The following ZNF521 variants were observed in gnomAD, a reference collection of about 807,000 sequenced individuals.
The protein encoded by ZNF521 is zinc finger protein 521, also known as LYST-interacting protein 3.
In ZNF521, 14 loss-of-function variants were observed where a neutral mutation model predicts 105.5. That is an observed-to-expected ratio of 0.13 (90% confidence interval 0.09 to 0.21). The LOEUF (loss-of-function observed/expected upper bound fraction) is 0.21, where lower values mean the gene tolerates loss of function less well. ZNF521 is among the 10% of genes least tolerant of loss of function. The probability of loss-of-function intolerance (pLI) is 1.00; values close to 1 mark genes in which losing one functional copy is unlikely to be tolerated. For synonymous variants in ZNF521, 635 were observed against 606.0 expected, an observed-to-expected ratio of 1.05 and a Z score of -0.70; for missense variants, 1,233 against 1,629.7, an observed-to-expected ratio of 0.76 and a Z score of 4.19.
At chr18:25,274,070 G>C (rs1339935217) in intron 3 of ZNF521, among the ~76,000 whole-genome samples, 2 of 152,140 alleles carry the variant, frequency 1.3e-5, no homozygotes, top group African/African-American at 4.8e-5. Flanking sequence ...CTTATCAGCT[G>C]TATTTCTTCA....
intron 4 of ZNF521, among the ~76,000 whole-genome samples, chr18:25,217,016 T>C (rs1356491767): frequency 6.6e-6 from 1 of 152,068 alleles, no homozygotes; most frequent in Non-Finnish European, 1.5e-5. Flanking sequence ...AAGCAGCACA[T>C]GTTCAGGATC....
In ZNF521 at chr18:25,105,093, C is replaced by T. The variant is rs948517648; in HGVS notation, c.3659-13012G>A. Among the ~76,000 whole-genome samples, 26 of 152,258 alleles carry T rather than the reference C, an allele frequency of 1.7e-4. 1 individual carries two copies. Among genetic ancestry groups the T allele is most frequent in the South Asian group, 1.2e-3 (6 of 4,822 alleles). On this transcript the variant is annotated intron_variant, in intron 5 of 7. Coordinates refer to ENST00000361524, the MANE Select transcript of ZNF521 (RefSeq NM_015461.3). Reference sequence around the variant, plus strand: ...TGGGATTGATGAAGAGACAGACTGGCATTCTGGCTCATGTAGTTCAGTCTG... The same window carrying T: ...TGGGATTGATGAAGAGACAGACTGGTATTCTGGCTCATGTAGTTCAGTCTG...
chr18:25,108,275 A>AT (rs1464088537), intron 5 of ZNF521, among the ~76,000 whole-genome samples: 3 of 152,320 alleles, frequency 2.0e-5, no homozygotes, highest in South Asian at 2.1e-4. Flanking sequence ...TGAAAATTGC[A>AT]TTTTTTCAAT....
At chr18:25,314,288 AG>A (rs1912483313) in intron 3 of ZNF521, among the ~76,000 whole-genome samples, 2 of 152,204 alleles carry the variant, frequency 1.3e-5, no homozygotes. Context: ...CACTGCCAAC[AG>A]AACTAGCTGT....
Position 25,062,749 on chromosome 18 carries a change from T to TAAAAAAAAAAAA in ZNF521, c.3907-9_3907-8insTTTTTTTTTTTT. 4.9e-6 allele frequency: 1 copy of TAAAAAAAAAAAA among 204,578 alleles called. No individual in the cohort carries two copies. The highest frequency in any genetic ancestry group is 7.1e-6 in the Non-Finnish European group (1 of 140,840). The allele number at this position is 204,578 out of a possible 1,614,324, so 12.7% of individuals were successfully genotyped here. A position where few individuals can be genotyped will look rare whatever the true frequency, so the allele number is the denominator to read the frequency against. ...TTGGGTCATTGTATGATTCTGTAAA[T>TAAAAAAAAAAAA]AACAAAAAAAAAAAAAAAAAAAAAA... is the stretch of plus-strand genomic sequence containing the variant. On this transcript the variant is annotated splice_polypyrimidine_tract_variant and intron_variant, in intron 7 of 7. Coordinates refer to ENST00000361524, the MANE Select transcript of ZNF521 (RefSeq NM_015461.3).
chr18:25,112,807 G>C (rs2034219356), intron 5 of ZNF521, among the ~76,000 whole-genome samples: 1 of 152,138 alleles, frequency 6.6e-6, no homozygotes. Flanking sequence ...AGACAGACCA[G>C]TAAACACAAT....
intron 3 of ZNF521, among the ~76,000 whole-genome samples, chr18:25,317,381 T>C (rs1264588801): frequency 6.6e-6 from 1 of 152,162 alleles, no homozygotes; most frequent in African/African-American, 2.4e-5. Context: ...CGATTCAATT[T>C]TATAGAGCTG....
chr18:25,072,783 T>C (rs149590523), intron 7 of ZNF521, among the ~76,000 whole-genome samples: 145 of 152,316 alleles, frequency 9.5e-4, no homozygotes, highest in African/African-American at 3.4e-3. Context: ...AAGGCTTTGA[T>C]AGGCAATACT....
At chr18:25,187,312 G>A (rs1336391085) in intron 5 of ZNF521, among the ~76,000 whole-genome samples, 1 of 152,074 alleles carries the variant, frequency 6.6e-6, no homozygotes, top group East Asian at 1.9e-4. Flanking sequence ...AAAACAAGGT[G>A]TCTGAATTAA....
At chr18:25,143,228 A>G (rs544684957) in intron 5 of ZNF521, among the ~76,000 whole-genome samples, 1 of 152,250 alleles carries the variant, frequency 6.6e-6, no homozygotes, top group South Asian at 2.1e-4. Flanking sequence ...TTTATAGCAA[A>G]TATCTTATCT....
At chr18:25,074,888 C>T (rs1371398796) in intron 7 of ZNF521, among the ~76,000 whole-genome samples, 4 of 152,152 alleles carry the variant, frequency 2.6e-5, no homozygotes, top group Non-Finnish European at 4.4e-5. Flanking sequence ...CAGAGATGTG[C>T]TGTAGCTATG....
intron 3 of ZNF521, among the ~76,000 whole-genome samples, chr18:25,253,847 G>T (rs1269335266): frequency 6.6e-6 from 1 of 152,030 alleles, no homozygotes; most frequent in African/African-American, 2.4e-5. Context: ...ACCTCCAAAG[G>T]GTTCAATAGC....
At chr18:25,184,672 A>G (rs181858381) in intron 5 of ZNF521, among the ~76,000 whole-genome samples, 21 of 152,314 alleles carry the variant, frequency 1.4e-4, no homozygotes, top group Non-Finnish European at 2.5e-4. Flanking sequence ...CCGGCCAACC[A>G]GTTTTAAAAG....
chr18:25,197,511 G>A (rs45577831), intron 4 of ZNF521, among the ~76,000 whole-genome samples: 28,326 of 151,456 alleles, frequency 0.19, 2,831 homozygotes, highest in South Asian at 0.27. Flanking sequence ...TAGATTATTC[G>A]CAAAATATTT....
chr18:25,163,089 A>G (rs140038075), intron 5 of ZNF521, among the ~76,000 whole-genome samples: 332 of 152,300 alleles, frequency 2.2e-3, no homozygotes, highest in African/African-American at 6.8e-3. Flanking sequence ...GCTAGTTAGT[A>G]GCTGAATTAG....
chr18:25,128,467 T>C (rs767765589), intron 5 of ZNF521, among the ~76,000 whole-genome samples: 1 of 151,842 alleles, frequency 6.6e-6, no homozygotes, highest in African/African-American at 2.4e-5. Context: ...GTAGCTGATA[T>C]AAGAAAAAGA....
At chr18:25,065,438 T>C (rs1389555689) in intron 7 of ZNF521, among the ~76,000 whole-genome samples, 2 of 152,146 alleles carry the variant, frequency 1.3e-5, no homozygotes, top group African/African-American at 2.4e-5. Flanking sequence ...ATAAGGTATA[T>C]AAGAAATATA....
chr18:25,235,789 T>C (rs564876007), intron 3 of ZNF521, among the ~76,000 whole-genome samples: 3 of 152,324 alleles, frequency 2.0e-5, no homozygotes, highest in South Asian at 2.1e-4. Context: ...ACAAGGCCAC[T>C]AGAGAATACA....
chr18:25,293,538 A>G lies in ZNF521; in HGVS notation c.220+28470T>C, dbSNP rs575242065. On this transcript the variant is annotated intron_variant, in intron 3 of 7. Transcript: ENST00000361524. ...ATCTCACTATTGCAGCTCTTTAGAG[A>G]TTTAACAACAAAATTATTATTTCCA... Among the ~76,000 whole-genome samples the G allele has an allele frequency of 2.6e-5, 4 of 152,318 alleles. No homozygotes were observed. The East Asian group carries it at 7.7e-4, about 29-fold the overall frequency.
Sources: gnomAD v4.1 joint callset for allele counts (sites outside exome capture counted in the v4.1 genomes callset) on GRCh38, gnomAD v4.1.1 for gene constraint, MANE v1.5 for transcripts, NCBI Gene and HGNC (gene_info 2026-07-23, HGNC 2026-07-21) for gene names.